The following NRG1 variants were observed in gnomAD, a reference collection of about 807,000 sequenced individuals.
NRG1 encodes the protein pro-neuregulin-1, membrane-bound isoform.
A neutral mutation model predicts 63.8 loss-of-function variants in NRG1; 18 were observed. That is an observed-to-expected ratio of 0.28 (90% confidence interval 0.19 to 0.42). The LOEUF (loss-of-function observed/expected upper bound fraction) is 0.42. NRG1 is among the 10% of genes least tolerant of loss of function. The pLI is 1.00. For synonymous variants in NRG1, 302 were observed against 301.3 expected (o/e 1.00, Z -0.02); for missense variants, 762 against 814.7 (o/e 0.94, Z 0.79).
chr8:31,959,782 ATTTATTTATTTATTATTTAT>A (rs748109001), intron 1 of NRG1, among the ~76,000 whole-genome samples: 1,642 of 120,160 alleles, frequency 0.014, 12 homozygotes, highest in Middle Eastern at 0.045. Context: ...ACCACCGATT[ATTTATTTATTTATTATTTAT>A]TTATTTATTT....
At chr8:32,495,587 C>G (rs532241958) in intron 1 of NRG1, among the ~76,000 whole-genome samples, 3 of 152,050 alleles carry the variant, frequency 2.0e-5, no homozygotes, top group Admixed American at 6.6e-5. Context: ...CTCACCCTCC[C>G]GAGCAGCTGG....
chr8:32,238,608 C>A (rs1405761205), intron 1 of NRG1, among the ~76,000 whole-genome samples: 1 of 152,068 alleles, frequency 6.6e-6, no homozygotes, highest in South Asian at 2.1e-4. Context: ...GTCTTCAGGG[C>A]AGCAGTAATC....
At chr8:32,501,192 A>T (rs28852524) in intron 1 of NRG1, among the ~76,000 whole-genome samples, 86,642 of 151,800 alleles carry the variant, frequency 0.57, 25,101 homozygotes, top group East Asian at 0.79. Flanking sequence ...ATCTGATGAA[A>T]GTTCATTATA....
intron 1 of NRG1, among the ~76,000 whole-genome samples, chr8:31,882,905 C>T (rs551253887): frequency 6.6e-6 from 1 of 152,138 alleles, no homozygotes; most frequent in South Asian, 2.1e-4. Flanking sequence ...ATGGAATCTG[C>T]TCCTGATGAA....
At chr8:32,549,314 G>A (rs920894140) in intron 1 of NRG1, among the ~76,000 whole-genome samples, 3 of 152,362 alleles carry the variant, frequency 2.0e-5, no homozygotes, top group Admixed American at 2.0e-4. Context: ...GGGTGGTCGA[G>A]CAAGAGGCCG....
intron 1 of NRG1, among the ~76,000 whole-genome samples, chr8:32,024,892 TAGAA>T (rs1305543040): frequency 6.6e-6 from 1 of 152,214 alleles, no homozygotes. Context: ...TTAACCTGTT[TAGAA>T]AGAATTTGAG....
At chr8:32,452,829 T>C (rs1041306218) in intron 1 of NRG1, among the ~76,000 whole-genome samples, 1 of 152,208 alleles carries the variant, frequency 6.6e-6, no homozygotes, top group Non-Finnish European at 1.5e-5. Context: ...TTTTCTCTGA[T>C]ATAATATTTA....
At position 32,013,074 on chromosome 8, in the gene NRG1, A is replaced by G. The variant is rs190340446; in HGVS notation, c.37+373643A>G. On this transcript the variant is annotated intron_variant, in intron 1 of 10. Transcript: ENST00000519301. ...ATAAAAGCCAAACTGTCATCAGGGA[A>G]GAGTCTTTATACAATCAATTATCAA... Among the ~76,000 whole-genome samples the G allele has an allele frequency of 6.9e-4, 105 of 152,192 alleles. 2 individuals are homozygous for G. The East Asian group carries it at 0.019, about 28-fold the overall frequency.
At chr8:32,490,330 C>A (rs1405692431) in intron 1 of NRG1, among the ~76,000 whole-genome samples, 1 of 151,372 alleles carries the variant, frequency 6.6e-6, no homozygotes, top group African/African-American at 2.4e-5. Flanking sequence ...GGGGGCCACA[C>A]AACAGACATA....
At chr8:32,771,829 C>T (rs1831828086), downstream of NRG1, among the ~76,000 whole-genome samples, 1 of 146,414 alleles carries the variant, frequency 6.8e-6, no homozygotes, top group East Asian at 2.0e-4. Context: ...TTGAGACTGG[C>T]CTGACCAACA....
chr8:32,120,536 C>T (rs1244776504), intron 1 of NRG1, among the ~76,000 whole-genome samples: 1 of 152,038 alleles, frequency 6.6e-6, no homozygotes, highest in African/African-American at 2.4e-5. Context: ...CACTTTTAGT[C>T]ATTTTTGCTG....
chr8:32,729,266 A>G (rs1168442507), intron 6 of NRG1, among the ~76,000 whole-genome samples: 2 of 152,164 alleles, frequency 1.3e-5, no homozygotes, highest in Non-Finnish European at 2.9e-5. Flanking sequence ...TGGTATATGG[A>G]CTTAAAATTT....
At chr8:32,479,241 T>TG (rs1824916970) in intron 1 of NRG1, among the ~76,000 whole-genome samples, 2 of 152,168 alleles carry the variant, frequency 1.3e-5, no homozygotes, top group South Asian at 4.2e-4. Context: ...TTTGGGAGGC[T>TG]GAGGCAGGTG....
At chr8:31,900,563 A>G (rs17680700) in intron 1 of NRG1, among the ~76,000 whole-genome samples, 35,440 of 152,116 alleles carry the variant, frequency 0.23, 5,408 homozygotes, top group East Asian at 0.68. Context: ...TTTAGGAAAG[A>G]GTCTTTATCA....
intron 1 of NRG1, among the ~76,000 whole-genome samples, chr8:31,930,575 C>A (rs1834776751): frequency 6.6e-6 from 1 of 152,218 alleles, no homozygotes; most frequent in South Asian, 2.1e-4. Context: ...GCTAGCTCTT[C>A]TCAACCCTTT....
At chr8:31,777,252 C>G (rs73673317) in intron 1 of NRG1, among the ~76,000 whole-genome samples, 2,476 of 152,334 alleles carry the variant, frequency 0.016, 74 homozygotes, top group African/African-American at 0.055. Flanking sequence ...ATAATGCAAA[C>G]ACTTCTGTAA....
intron 1 of NRG1, among the ~76,000 whole-genome samples, chr8:32,239,334 G>T (rs1246868663): frequency 6.8e-6 from 1 of 147,552 alleles, no homozygotes; most frequent in Non-Finnish European, 1.5e-5. Context: ...AAAAAAAAGT[G>T]CCTAAATTCA....
chr8:31,646,331 T>G (rs2130855571), intron 1 of NRG1, among the ~76,000 whole-genome samples: 1 of 152,332 alleles, frequency 6.6e-6, no homozygotes, highest in East Asian at 1.9e-4. Flanking sequence ...GAGGAGGGAA[T>G]TGTTTCCTTT....
chr8:32,752,906 T>C (rs1829008844), intron 7 of NRG1, among the ~76,000 whole-genome samples: 1 of 152,224 alleles, frequency 6.6e-6, no homozygotes, highest in Non-Finnish European at 1.5e-5. Context: ...AATTTGATTA[T>C]CATGGGCTCG....
Sources: allele counts gnomAD v4.1 joint callset (sites outside exome capture counted in the v4.1 genomes callset), GRCh38; gene constraint gnomAD v4.1.1; transcripts MANE v1.5; gene names NCBI Gene and HGNC (gene_info 2026-07-23, HGNC 2026-07-21).